The following CNTN5 variants were observed in gnomAD, a reference collection of about 807,000 sequenced individuals.
CNTN5 encodes contactin 5.
Under a neutral mutation model 129.1 loss-of-function variants are expected in CNTN5, and 77 were observed. That is an observed-to-expected ratio of 0.60 (90% CI 0.50 to 0.72). The LOEUF (loss-of-function observed/expected upper bound fraction) is 0.72. CNTN5 is among the 30% of genes least tolerant of loss of function. The pLI, the probability that CNTN5 is intolerant of heterozygous loss-of-function variation, is 0.00. For synonymous variants in CNTN5, 509 were observed against 465.6 expected, an observed-to-expected ratio of 1.09 and a Z score of -1.20; for missense variants, 1,478 against 1,328.8, an observed-to-expected ratio of 1.11 and a Z score of -1.75.
In CNTN5 at chr11:99,307,519, C is replaced by T. The variant is rs1333473723; in HGVS notation, c.-209-17827C>T. Among the ~76,000 whole-genome samples, 10 of 152,184 alleles carry T rather than the reference C, an allele frequency of 6.6e-5. No homozygotes were observed. In the South Asian group the frequency reaches 1.2e-3, roughly 19 times the overall value. ...TAATATCTTGGATAATTATATTATA[C>T]TTCTGTCGTTTATCACAGATTCATC... On this transcript the variant is annotated intron_variant, in intron 1 of 24. Transcript: ENST00000524871.
chr11:99,202,347 A>T (rs1036153848), intron 1 of CNTN5, among the ~76,000 whole-genome samples: 1 of 152,246 alleles, frequency 6.6e-6, no homozygotes. Context: ...TGACCATAAA[A>T]ATATCAAAGT....
intron 3 of CNTN5, among the ~76,000 whole-genome samples, chr11:99,660,716 A>G (rs918977946): frequency 5.3e-5 from 8 of 152,112 alleles, no homozygotes; most frequent in African/African-American, 1.4e-4. Context: ...TAATTGTTCC[A>G]ATGTAACATA....
chr11:99,573,685 G>T (rs1270425256), intron 3 of CNTN5, among the ~76,000 whole-genome samples: 2 of 151,886 alleles, frequency 1.3e-5, no homozygotes, highest in South Asian at 2.1e-4. Flanking sequence ...GCCTGAGTGC[G>T]GTGGCGTGAT....
At chr11:99,449,321 C>T (rs1436561232) in intron 2 of CNTN5, among the ~76,000 whole-genome samples, 1 of 152,096 alleles carries the variant, frequency 6.6e-6, no homozygotes, top group African/African-American at 2.4e-5. Flanking sequence ...AAGCCATTAG[C>T]TAAATAGATA....
At chr11:99,738,483 A>C (rs1943781595) in intron 3 of CNTN5, among the ~76,000 whole-genome samples, 1 of 152,196 alleles carries the variant, frequency 6.6e-6, no homozygotes. Flanking sequence ...CTTTTAGACA[A>C]ATTGATGTCC....
intron 8 of CNTN5, among the ~76,000 whole-genome samples, chr11:100,001,284 A>C (rs1939859270): frequency 6.6e-6 from 1 of 152,116 alleles, no homozygotes; most frequent in South Asian, 2.1e-4. Context: ...GCCACTTTTA[A>C]AACCATGAAA....
At chr11:99,545,742 C>T (rs1948268753) in intron 2 of CNTN5, among the ~76,000 whole-genome samples, 1 of 152,162 alleles carries the variant, frequency 6.6e-6, no homozygotes, top group Non-Finnish European at 1.5e-5. Context: ...AGAATTTAGT[C>T]GACTTACTTG....
chr11:99,685,959 C>A (rs928108298), intron 3 of CNTN5, among the ~76,000 whole-genome samples: 4 of 151,828 alleles, frequency 2.6e-5, no homozygotes, highest in African/African-American at 9.7e-5. Flanking sequence ...GTCATATATG[C>A]CTTTACTATT....
intron 4 of CNTN5, among the ~76,000 whole-genome samples, chr11:99,820,606 T>C (rs1289473905): frequency 1.4e-5 from 1 of 69,582 alleles, no homozygotes; most frequent in African/African-American, 5.3e-5. Context: ...GCACCTGTTA[T>C]TACTAGTCTC....
chr11:99,926,914 A>G (rs1300095040), intron 7 of CNTN5, among the ~76,000 whole-genome samples: 4 of 152,178 alleles, frequency 2.6e-5, no homozygotes, highest in Non-Finnish European at 4.4e-5. Context: ...TTACTTTGAA[A>G]TACGTTAATG....
chr11:100,020,271 C>A (rs1175376171), intron 9 of CNTN5, among the ~76,000 whole-genome samples: 1 of 151,992 alleles, frequency 6.6e-6, no homozygotes, highest in Non-Finnish European at 1.5e-5. Context: ...TTAGGTCTTA[C>A]ATTTAAGTCT....
At chr11:99,576,592 AC>A (rs1198394459) in intron 3 of CNTN5, among the ~76,000 whole-genome samples, 1 of 152,056 alleles carries the variant, frequency 6.6e-6, no homozygotes, top group African/African-American at 2.4e-5. Context: ...GAGGTAACAG[AC>A]TCTCTTAATC....
chr11:100,304,739 C>T (rs915373277), intron 20 of CNTN5, among the ~76,000 whole-genome samples: 2 of 151,332 alleles, frequency 1.3e-5, no homozygotes, highest in African/African-American at 4.8e-5. Context: ...GGCCTGACTA[C>T]CTGTATTCAA....
At chr11:99,804,447 A>G (rs113582669) in intron 3 of CNTN5, among the ~76,000 whole-genome samples, 1 of 151,928 alleles carries the variant, frequency 6.6e-6, no homozygotes, top group Admixed American at 6.6e-5. Flanking sequence ...TCTGAACTCT[A>G]ACTTTATACT....
At chr11:99,654,242 A>G (rs1952265947) in intron 3 of CNTN5, among the ~76,000 whole-genome samples, 1 of 152,098 alleles carries the variant, frequency 6.6e-6, no homozygotes, top group South Asian at 2.1e-4. Flanking sequence ...TGTGTGTATT[A>G]GAATTGTTTA....
chr11:100,191,660 A>C (rs1948498147), intron 14 of CNTN5, among the ~76,000 whole-genome samples: 1 of 152,074 alleles, frequency 6.6e-6, no homozygotes, highest in African/African-American at 2.4e-5. Flanking sequence ...GAGCAGCAGC[A>C]GGAGGATATG....
At chr11:99,895,906 A>G (rs1323784094) in intron 6 of CNTN5, among the ~76,000 whole-genome samples, 3 of 152,114 alleles carry the variant, frequency 2.0e-5, no homozygotes, top group South Asian at 4.2e-4. Context: ...TGGCGCATCC[A>G]TAGTACTAAG....
intron 1 of CNTN5, among the ~76,000 whole-genome samples, chr11:99,140,577 C>CAAGGGGA (rs1859464605): frequency 6.6e-6 from 1 of 151,954 alleles, no homozygotes; most frequent in Non-Finnish European, 1.5e-5. Flanking sequence ...TTCCAGTTCT[C>CAAGGGGA]AAGGGGAATG....
At chr11:99,427,201 T>A (rs1462844843) in intron 2 of CNTN5, among the ~76,000 whole-genome samples, 6 of 152,172 alleles carry the variant, frequency 3.9e-5, no homozygotes, top group Admixed American at 3.9e-4. Flanking sequence ...GAATCGTAAG[T>A]GAAGGTTTTC....
Sources: allele counts gnomAD v4.1 joint callset (sites outside exome capture counted in the v4.1 genomes callset), GRCh38; gene constraint gnomAD v4.1.1; transcripts MANE v1.5; gene names NCBI Gene and HGNC (gene_info 2026-07-23, HGNC 2026-07-21).